RASSF3: variants seen among roughly 807,000 people sequenced by gnomAD.
RASSF3 encodes Ras association domain family member 3, also known as ras association domain-containing protein 3.
Under a neutral mutation model 19.9 loss-of-function variants are expected in RASSF3, and 19 were observed. The observed-to-expected ratio is 0.96, with a 90% CI of 0.67 to 1.40. RASSF3 has a LOEUF of 1.40. Among genes scored for constraint, RASSF3 ranks in the 40% most tolerant of loss-of-function variants. RASSF3 has a pLI of 0.00. For missense variants in RASSF3, 306 were observed against 289.8 expected (o/e 1.06, Z -0.41); for synonymous variants, 110 against 104.2 (o/e 1.06, Z -0.34).
At chr12:64,620,025 T>C (rs991019525) in intron 1 of RASSF3, among the ~76,000 whole-genome samples, 1 of 149,934 alleles carries the variant, frequency 6.7e-6, no homozygotes, top group Admixed American at 6.7e-5. Flanking sequence ...TGTGTGTGTG[T>C]GTGTGTGTGT....
chr12:64,659,964 G>GTGTGTGTGTGTGTGTGTA (rs1872286739), intron 1 of RASSF3, among the ~76,000 whole-genome samples: 1 of 149,148 alleles, frequency 6.7e-6, no homozygotes, highest in Non-Finnish European at 1.5e-5. Flanking sequence ...GTGTGTGTGT[G>GTGTGTGTGTGTGTGTGTA]TGTGTGTGTG....
At chr12:64,610,489 G>A, upstream of RASSF3, 1 of 288,978 alleles carries the variant, frequency 3.5e-6, no homozygotes, top group East Asian at 6.0e-5. Context: ...GGGGCCGGGA[G>A]AGCCTGATTG....
At chr12:64,667,494 T>C (rs1183484811) in intron 1 of RASSF3, among the ~76,000 whole-genome samples, 2 of 152,182 alleles carry the variant, frequency 1.3e-5, no homozygotes, top group Non-Finnish European at 2.9e-5. Context: ...GCCCGGCCTA[T>C]TTTCTTTCTA....
intron 1 of RASSF3, among the ~76,000 whole-genome samples, chr12:64,680,302 A>G (rs532979241): frequency 1.3e-5 from 2 of 152,130 alleles, no homozygotes; most frequent in African/African-American, 4.8e-5. Flanking sequence ...GCCTGAGCTT[A>G]TATCTTCTTT....
chr12:64,604,801 C>A (rs1468052943), intron 2 of RASSF3, among the ~76,000 whole-genome samples: 1 of 151,366 alleles, frequency 6.6e-6, no homozygotes, highest in Non-Finnish European at 1.5e-5. Flanking sequence ...CCGTGCCCAG[C>A]TAATTTTTTG....
intron 1 of RASSF3, among the ~76,000 whole-genome samples, chr12:64,617,256 C>T (rs1247228960): frequency 6.6e-6 from 1 of 152,148 alleles, no homozygotes; most frequent in Non-Finnish European, 1.5e-5. Context: ...GCATAACTCA[C>T]TTTATATACT....
At chr12:64,620,077 A>G (rs535563537) in intron 1 of RASSF3, among the ~76,000 whole-genome samples, 7 of 148,756 alleles carry the variant, frequency 4.7e-5, no homozygotes, top group East Asian at 1.9e-4. Context: ...AATATTCACA[A>G]TGATGCTAGA....
chr12:64,533,126 T>A (rs1565834100), upstream of RASSF3: 2 of 152,318 alleles, frequency 1.3e-5, no homozygotes, highest in East Asian at 3.9e-4. Context: ...GAAAAATACA[T>A]GAAGCCAGGG....
rs573825269 is a variant in RASSF3 at position 64,621,311 on chromosome 12, A to G, written c.111+10568A>G. 2.0e-5 allele frequency among the ~76,000 whole-genome samples: 3 copies of G among 152,206 alleles called. No homozygotes were observed. In the East Asian group the frequency reaches 5.8e-4, roughly 29 times the overall value. On this transcript the variant is annotated intron_variant, in intron 1 of 4. Transcript: ENST00000542104. ...AATCTCCCTTGTGTGAGAATTGTCC[A>G]TGCATGACCTTTGCCCATTTGTCTA...
intron 1 of RASSF3, among the ~76,000 whole-genome samples, chr12:64,620,939 T>A (rs1486475745): frequency 6.6e-6 from 1 of 152,178 alleles, no homozygotes. Flanking sequence ...TATTATTTTT[T>A]AAATTATTAT....
chr12:64,508,529 A>G (rs1025866544), intron 1 of RASSF3, among the ~76,000 whole-genome samples: 2 of 150,518 alleles, frequency 1.3e-5, no homozygotes, highest in African/African-American at 2.4e-5. Context: ...AAAAAAAAAC[A>G]AAAAACAGAA....
At chr12:64,688,959 C>T (rs944594179) in intron 3 of RASSF3, among the ~76,000 whole-genome samples, 1 of 152,144 alleles carries the variant, frequency 6.6e-6, no homozygotes, top group Non-Finnish European at 1.5e-5. Flanking sequence ...TCTCCTGTTG[C>T]CTTAGCTTGT....
intron 1 of RASSF3, among the ~76,000 whole-genome samples, chr12:64,640,109 C>T (rs1871463055): frequency 6.6e-6 from 1 of 152,212 alleles, no homozygotes; most frequent in Non-Finnish European, 1.5e-5. Context: ...CTTTTCTCCC[C>T]AGTGGACCAT....
intron 1 of RASSF3, among the ~76,000 whole-genome samples, chr12:64,673,329 C>T (rs899940726): frequency 6.6e-6 from 1 of 152,112 alleles, no homozygotes; most frequent in Non-Finnish European, 1.5e-5. Context: ...GTCTCACTTC[C>T]CTCCTGGCTT....
At chr12:64,607,357 CTTTA>C (rs113059269), upstream of RASSF3, among the ~76,000 whole-genome samples, 66,595 of 150,378 alleles carry the variant, frequency 0.44, 15,265 homozygotes, top group African/African-American at 0.53. Context: ...TTCTTCCTTC[CTTTA>C]TTTATTTATT....
intron 1 of RASSF3, among the ~76,000 whole-genome samples, chr12:64,615,766 T>A (rs1014115700): frequency 1.3e-5 from 2 of 149,742 alleles, no homozygotes; most frequent in African/African-American, 4.9e-5. Context: ...ATCTGCCTCC[T>A]GGGTTCAAAT....
chr12:64,610,277 G>A (rs1419014259), upstream of RASSF3, among the ~76,000 whole-genome samples: 2 of 151,928 alleles, frequency 1.3e-5, no homozygotes, highest in East Asian at 1.9e-4. Flanking sequence ...CGGCTTTCCG[G>A]GTTCCGCGAC....
intron 1 of RASSF3, among the ~76,000 whole-genome samples, chr12:64,527,859 T>C (rs1328946172): frequency 2.0e-5 from 3 of 152,026 alleles, no homozygotes; most frequent in East Asian, 3.9e-4. Context: ...TGCTTGAACC[T>C]GGGAGGCAGA....
rs61931567 is a variant in RASSF3 at position 64,564,471 on chromosome 12, C to T, written c.294+22766C>T. On this transcript the variant is annotated intron_variant, in intron 2 of 5. Transcript: ENST00000637125. ...GATCTCAGCTCACCACAACCTCCGC[C>T]TCCCAGGTTCAAGCTATTCTCCTGC... 6.6e-3 allele frequency among the ~76,000 whole-genome samples: 1,011 copies of T among 152,212 alleles called. 5 individuals are homozygous for T. The highest frequency in any genetic ancestry group is 0.01 in the Admixed American group (158 of 15,276).
Sources: allele counts gnomAD v4.1 joint callset (sites outside exome capture counted in the v4.1 genomes callset), GRCh38; gene constraint gnomAD v4.1.1; transcripts MANE v1.5; gene names NCBI Gene and HGNC (gene_info 2026-07-23, HGNC 2026-07-21).